The following CUX1 variants were observed in gnomAD, a reference collection of about 807,000 sequenced individuals.
CUX1 encodes the protein cut like homeobox 1.
Under a neutral mutation model 158.8 loss-of-function variants are expected in CUX1, and 31 were observed. That is an observed-to-expected ratio of 0.20 (90% CI 0.15 to 0.26). CUX1 has a LOEUF of 0.26. Among genes scored for constraint, CUX1 ranks in the 10% least tolerant of loss-of-function variants. CUX1 has a pLI of 1.00. For missense variants in CUX1, 1,589 were observed against 2,014.6 expected, an observed-to-expected ratio of 0.79 and a Z score of 4.04; for synonymous variants, 879 against 862.1, an observed-to-expected ratio of 1.02 and a Z score of -0.34.
At chr7:101,818,088 T>G (rs2130872291) in intron 1 of CUX1, among the ~76,000 whole-genome samples, 1 of 152,358 alleles carries the variant, frequency 6.6e-6, no homozygotes, top group African/African-American at 2.4e-5. Context: ...AATTTCTCGC[T>G]TAACTAGGAA....
chr7:101,856,083 G>A (rs1230312819), intron 1 of CUX1, among the ~76,000 whole-genome samples: 1 of 150,530 alleles, frequency 6.6e-6, no homozygotes, highest in Non-Finnish European at 1.5e-5. Flanking sequence ...TGGGGGCTGA[G>A]GCTGAAGGAT....
chr7:102,278,663 A>G (rs1791802806), intron 18 of CUX1, among the ~76,000 whole-genome samples: 2 of 111,230 alleles, frequency 1.8e-5, no homozygotes, highest in African/African-American at 2.9e-5. Context: ...ATAAAAAAAT[A>G]AAATAAAATA....
intron 10 of CUX1, among the ~76,000 whole-genome samples, chr7:102,176,342 A>G (rs546132742): frequency 1.2e-4 from 18 of 152,178 alleles, no homozygotes; most frequent in Non-Finnish European, 1.2e-4. Flanking sequence ...CTTTCCCCAC[A>G]ATACAAGCAA....
intron 22 of CUX1, among the ~76,000 whole-genome samples, chr7:102,235,267 T>A (rs1280455344): frequency 6.6e-6 from 1 of 152,180 alleles, no homozygotes; most frequent in Non-Finnish European, 1.5e-5. Flanking sequence ...AGTCCTCAGG[T>A]CACCTATGGT....
At chr7:101,901,425 C>G (rs1802129045) in intron 1 of CUX1, among the ~76,000 whole-genome samples, 1 of 152,078 alleles carries the variant, frequency 6.6e-6, no homozygotes, top group Non-Finnish European at 1.5e-5. Context: ...TCCCGAGTAA[C>G]TGGGATTACA....
chr7:102,280,876 T>C lies in CUX1; in HGVS notation c.1821+16T>C, dbSNP rs565616373. 1.4e-5 allele frequency: 21 copies of C among 1,533,832 alleles called. 1 individual carries two copies. The South Asian group carries it at 2.2e-4, about 16-fold the overall frequency. ...CCTCAGCATGGTGAGTCCCTGCCCC[T>C]ACCCACCCCCTCCCTGGACAGGCCT... On this transcript the variant is annotated intron_variant, in intron 20 of 22. Coordinates refer to the CUX1 transcript ENST00000292538.
intron 22 of CUX1, among the ~76,000 whole-genome samples, chr7:102,235,756 G>GCCCAC (rs1799491218): frequency 1.9e-5 from 1 of 52,336 alleles, no homozygotes; most frequent in African/African-American, 7.8e-5. Context: ...CTCTGCCCCA[G>GCCCAC]CCCACCCCAC....
intron 3 of CUX1, among the ~76,000 whole-genome samples, chr7:102,030,287 C>G (rs991882534): frequency 6.6e-6 from 1 of 152,206 alleles, no homozygotes; most frequent in African/African-American, 2.4e-5. Flanking sequence ...GCTGGGATTA[C>G]AGGCGTGAGC....
intron 2 of CUX1, among the ~76,000 whole-genome samples, chr7:101,933,960 G>T (rs992119933): frequency 1.3e-5 from 2 of 152,174 alleles, no homozygotes; most frequent in African/African-American, 2.4e-5. Flanking sequence ...TTAAAAGCCG[G>T]AAAGACCATG....
intron 18 of CUX1, chr7:102,279,996 C>T: frequency 7.2e-7 from 1 of 1,395,216 alleles, no homozygotes; most frequent in Non-Finnish European, 1.0e-6. Flanking sequence ...CGCTGGGCCC[C>T]AAGGCACTGA....
chr7:101,826,556 G>C (rs1456768040), intron 1 of CUX1, among the ~76,000 whole-genome samples: 1 of 152,172 alleles, frequency 6.6e-6, no homozygotes, highest in African/African-American at 2.4e-5. Context: ...CCCGGCAGTA[G>C]TGATGGAGAC....
chr7:101,913,553 C>A, intron 1 of CUX1: 1 of 344,432 alleles, frequency 2.9e-6, no homozygotes, highest in Non-Finnish European at 4.7e-6. Flanking sequence ...GGAGGGGGCC[C>A]ACAGACCCCC....
rs1804255745 is a variant in CUX1, at chr7:101,916,755, C to T, written c.141+530C>T. 1.3e-5 allele frequency among the ~76,000 whole-genome samples: 2 copies of T among 152,108 alleles called. No homozygotes were observed. Among genetic ancestry groups the T allele is most frequent in the Non-Finnish European group, 2.9e-5 (2 of 68,038 alleles). On this transcript the variant is annotated intron_variant, in intron 2 of 23. Coordinates refer to ENST00000292535, the MANE Select transcript of CUX1 (RefSeq NM_181552.4). The surrounding 1 kb of genome is among the most constrained non-coding windows in gnomAD (Gnocchi z 4.4). Reference sequence around the variant, plus strand: ...TGCCTCTCTGTTTCTTGAAATATGCCGTAAAGGGCAATGGAAATGTGCTTT... The same window carrying T: ...TGCCTCTCTGTTTCTTGAAATATGCTGTAAAGGGCAATGGAAATGTGCTTT...
At chr7:101,834,171 T>C (rs1346059696) in intron 1 of CUX1, among the ~76,000 whole-genome samples, 1 of 129,044 alleles carries the variant, frequency 7.7e-6, no homozygotes, top group Non-Finnish European at 1.6e-5. Context: ...GTTTCTTTTT[T>C]TTTTTTTTTT....
chr7:101,958,479 CTTTTTT>C (rs11433173), intron 2 of CUX1, among the ~76,000 whole-genome samples: 2 of 112,102 alleles, frequency 1.8e-5, no homozygotes, highest in Non-Finnish European at 3.4e-5. Context: ...ATTTTCTTTT[CTTTTTT>C]TTTTTTTTTT....
chr7:101,926,393 C>T (rs1805595800), intron 2 of CUX1, among the ~76,000 whole-genome samples: 1 of 152,068 alleles, frequency 6.6e-6, no homozygotes, highest in South Asian at 2.1e-4. Flanking sequence ...CTAATTCGGG[C>T]CCCAGTCAGG....
intron 2 of CUX1, among the ~76,000 whole-genome samples, chr7:101,942,909 C>T (rs1027524877): frequency 6.6e-6 from 1 of 152,162 alleles, no homozygotes; most frequent in Non-Finnish European, 1.5e-5. Context: ...CCATCGGCTG[C>T]TGGGAGATCA....
At chr7:102,108,296 A>T (rs1309918207) in intron 6 of CUX1, among the ~76,000 whole-genome samples, 3 of 152,230 alleles carry the variant, frequency 2.0e-5, no homozygotes, top group African/African-American at 7.2e-5. Context: ...AAACTCATGC[A>T]TTACCACAAT....
rs545688970 is a variant in CUX1, at chr7:102,166,220, A to T, written c.724-4226A>T. ...GCCATCGTGGTCTGGGTTACCACTG[A>T]TATGCAAGCAGTATCCTCCTCGCCC... On this transcript the variant is annotated intron_variant, in intron 9 of 23. Transcript: ENST00000292535. Among the ~76,000 whole-genome samples the T allele has an allele frequency of 2.2e-4, 34 of 152,294 alleles. 1 individual carries two copies. In the South Asian group the frequency reaches 4.8e-3, roughly 21 times the overall value.
Sources: allele counts gnomAD v4.1 joint callset (sites outside exome capture counted in the v4.1 genomes callset), GRCh38; gene constraint gnomAD v4.1.1; non-coding constraint Gnocchi (gnomAD v3.1); transcripts MANE v1.5; gene names NCBI Gene and HGNC (gene_info 2026-07-23, HGNC 2026-07-21).